MBNL2: variants seen among roughly 807,000 people sequenced by gnomAD.
MBNL2 encodes muscleblind like splicing regulator 2.
MBNL2 carries 17 observed loss-of-function variants against 41.9 expected under a neutral mutation model. The ratio of observed to expected loss-of-function variants is 0.41; its 90% CI spans 0.28 to 0.61. The LOEUF (loss-of-function observed/expected upper bound fraction) is 0.61. Among genes scored for constraint, MBNL2 ranks in the 20% least tolerant of loss-of-function variants. The pLI, the probability that MBNL2 is intolerant of heterozygous loss-of-function variation, is 0.35. For synonymous variants in MBNL2, 195 were observed against 182.9 expected, an observed-to-expected ratio of 1.07 and a Z score of -0.53; for missense variants, 336 against 505.6, an observed-to-expected ratio of 0.66 and a Z score of 3.22.
At chr13:97,235,371 G>A (rs2043080202) in intron 1 of MBNL2, among the ~76,000 whole-genome samples, 1 of 152,192 alleles carries the variant, frequency 6.6e-6, no homozygotes, top group Admixed American at 6.5e-5. Flanking sequence ...TGAAATTTAT[G>A]TTGTATAACG....
chr13:97,215,400 T>C, the MBNL2 span, among the ~76,000 whole-genome samples: 2 of 152,224 alleles, frequency 1.3e-5, no homozygotes, highest in Admixed American at 1.3e-4. Flanking sequence ...CTGTGCGACC[T>C]ACTAGCTCAA....
chr13:97,240,139 T>A (rs2043998432), intron 1 of MBNL2, among the ~76,000 whole-genome samples: 3 of 152,226 alleles, frequency 2.0e-5, no homozygotes, highest in Admixed American at 6.5e-5. Context: ...CCCATGATTC[T>A]GACTCGGGGA....
the MBNL2 span, among the ~76,000 whole-genome samples, chr13:97,143,455 T>G: frequency 6.6e-6 from 1 of 152,180 alleles, no homozygotes; most frequent in African/African-American, 2.4e-5. Context: ...GAGTCTAACA[T>G]GCAAAACTGC....
At chr13:97,183,942 C>T in the MBNL2 span, among the ~76,000 whole-genome samples, 2 of 152,198 alleles carry the variant, frequency 1.3e-5, no homozygotes, top group East Asian at 1.9e-4. Flanking sequence ...CTCTTTTTTT[C>T]ACAATCATGC....
At chr13:97,338,657 G>A (rs951445051) in intron 3 of MBNL2, among the ~76,000 whole-genome samples, 26 of 152,056 alleles carry the variant, frequency 1.7e-4, no homozygotes, top group African/African-American at 6.0e-4. Context: ...AGCGCGCACC[G>A]CCTTCATATG....
intron 2 of MBNL2, among the ~76,000 whole-genome samples, chr13:97,318,296 A>C (rs149921997): frequency 6.6e-6 from 1 of 152,352 alleles, no homozygotes; most frequent in Non-Finnish European, 1.5e-5. Context: ...GAAGAAGTAT[A>C]GTGATTAAGA....
the MBNL2 span, among the ~76,000 whole-genome samples, chr13:97,188,714 T>C: frequency 6.6e-6 from 1 of 152,030 alleles, no homozygotes; most frequent in Non-Finnish European, 1.5e-5. Context: ...CCACCCTGAT[T>C]TCTTTTAGGC....
intron 2 of MBNL2, among the ~76,000 whole-genome samples, chr13:97,316,668 C>T (rs928173243): frequency 6.6e-6 from 1 of 152,118 alleles, no homozygotes; most frequent in African/African-American, 2.4e-5. Flanking sequence ...AGGACAACTC[C>T]CCACCTCCAC....
intron 1 of MBNL2, among the ~76,000 whole-genome samples, chr13:97,265,591 T>C (rs1028367387): frequency 3.3e-5 from 5 of 152,206 alleles, no homozygotes; most frequent in Non-Finnish European, 7.3e-5. Context: ...CTTTTACTTA[T>C]ACTTCGTTGA....
At chr13:97,307,582 A>G (rs1247086990) in intron 2 of MBNL2, among the ~76,000 whole-genome samples, 2 of 152,224 alleles carry the variant, frequency 1.3e-5, no homozygotes, top group African/African-American at 4.8e-5. Context: ...TATTTAGTCC[A>G]CAACAGGAAG....
chr13:97,335,640 G>A (rs1054338375), intron 3 of MBNL2, among the ~76,000 whole-genome samples: 16 of 152,062 alleles, frequency 1.1e-4, no homozygotes, highest in African/African-American at 3.6e-4. Context: ...AGTGTTTTGG[G>A]GATAGACAGA....
At chr13:97,210,796 C>G in the MBNL2 span, among the ~76,000 whole-genome samples, 3 of 151,920 alleles carry the variant, frequency 2.0e-5, no homozygotes, top group Non-Finnish European at 2.9e-5. Context: ...GTGATCCACC[C>G]GCCTTGGCCT....
chr13:97,343,241 G>C (rs377302751), intron 4 of MBNL2, 25 bp downstream of exon 4: 9 of 1,521,310 alleles, frequency 5.9e-6, no homozygotes, highest in Non-Finnish European at 7.2e-6. Flanking sequence ...CTTGTGTTTT[G>C]ACATGCATTT....
intron 7 of MBNL2, among the ~76,000 whole-genome samples, chr13:97,359,829 T>C (rs2063267213): frequency 6.6e-6 from 1 of 152,202 alleles, no homozygotes. Context: ...TGAAATGGTA[T>C]TTCAACTGCT....
At chr13:97,375,112 C>G (rs1198065076) in intron 8 of MBNL2, among the ~76,000 whole-genome samples, 2 of 152,138 alleles carry the variant, frequency 1.3e-5, no homozygotes, top group Non-Finnish European at 2.9e-5. Flanking sequence ...CGGACAAACC[C>G]AAGACTGAGG....
intron 1 of MBNL2, among the ~76,000 whole-genome samples, chr13:97,270,105 G>A (rs2050650322): frequency 1.3e-5 from 2 of 152,190 alleles, no homozygotes; most frequent in South Asian, 2.1e-4. Context: ...TTGGCAAAGT[G>A]AAGGCTGGAA....
At chr13:97,284,595 G>T (rs1254388575) in intron 2 of MBNL2, among the ~76,000 whole-genome samples, 1 of 152,128 alleles carries the variant, frequency 6.6e-6, no homozygotes, top group Non-Finnish European at 1.5e-5. Flanking sequence ...TGGGGGTTAG[G>T]ACTTCAACAT....
At chr13:97,193,005 C>T in the MBNL2 span, among the ~76,000 whole-genome samples, 7,671 of 152,252 alleles carry the variant, frequency 0.05, 259 homozygotes, top group South Asian at 0.14. Context: ...ATAGCTTTGT[C>T]CAAGCTGCTG....
intron 1 of MBNL2, among the ~76,000 whole-genome samples, chr13:97,263,251 C>A (rs1235848538): frequency 6.6e-6 from 1 of 152,210 alleles, no homozygotes; most frequent in Non-Finnish European, 1.5e-5. Flanking sequence ...TAACCTTTAA[C>A]CAATTTCCCC....
Sources: allele counts gnomAD v4.1 joint callset (sites outside exome capture counted in the v4.1 genomes callset), GRCh38; gene constraint gnomAD v4.1.1; transcripts MANE v1.5; gene names NCBI Gene and HGNC (gene_info 2026-07-23, HGNC 2026-07-21).